The following ZMAT1 variants were observed in gnomAD, a reference collection of about 807,000 sequenced individuals.
The protein encoded by ZMAT1 is zinc finger matrin-type 1.
A neutral mutation model predicts 18.5 loss-of-function variants in ZMAT1; 11 were observed. That is an observed-to-expected ratio of 0.59 (90% CI 0.37 to 0.98). The LOEUF (loss-of-function observed/expected upper bound fraction) is 0.98. Ranked by LOEUF, ZMAT1 falls within the 50% of genes least tolerant of loss-of-function variation. ZMAT1 has a pLI of 0.01. For synonymous variants in ZMAT1, 211 were observed against 176.4 expected, an observed-to-expected ratio of 1.20 and a Z score of -1.55; for missense variants, 525 against 496.2, an observed-to-expected ratio of 1.06 and a Z score of -0.55.
intron 2 of ZMAT1, among the ~76,000 whole-genome samples, chrX:101,899,846 T>C (rs1928099345): frequency 8.9e-6 from 1 of 112,114 alleles, no homozygotes; most frequent in Non-Finnish European, 1.9e-5. Flanking sequence ...GATGAAATGA[T>C]AGTTCTACTC....
chrX:101,903,604 G>C (rs1043827755), intron 2 of ZMAT1, among the ~76,000 whole-genome samples: 2 of 111,368 alleles, frequency 1.8e-5, no homozygotes, highest in Non-Finnish European at 3.8e-5. Flanking sequence ...GAAACATGAA[G>C]CAACACCAAA....
At chrX:101,896,219 T>G (rs901227801) in intron 4 of ZMAT1, among the ~76,000 whole-genome samples, 16 of 112,268 alleles carry the variant, frequency 1.4e-4, no homozygotes, top group African/African-American at 4.2e-4. Context: ...TGATATTAAC[T>G]TCTAAGTCTT....
At chrX:101,923,576 T>G (rs949017444) in intron 1 of ZMAT1, among the ~76,000 whole-genome samples, 6 of 111,715 alleles carry the variant, frequency 5.4e-5, no homozygotes, top group Non-Finnish European at 1.1e-4. Flanking sequence ...ATATTTCTTC[T>G]CTTAATCTTC....
intron 1 of ZMAT1, chrX:101,911,558 C>T (rs190547760): frequency 1.0e-4 from 113 of 1,132,813 alleles, no homozygotes; most frequent in Non-Finnish European, 1.3e-4. Context: ...CGAATCCACA[C>T]AGGGGAGAAG....
intron 1 of ZMAT1, among the ~76,000 whole-genome samples, chrX:101,921,709 G>A (rs1018576829): frequency 1.8e-5 from 2 of 111,656 alleles, no homozygotes; most frequent in Admixed American, 9.5e-5. Context: ...GAATATATAC[G>A]GAAGCAAAAT....
chrX:101,913,805 G>GA (rs746482394), intron 1 of ZMAT1, among the ~76,000 whole-genome samples: 1 of 111,795 alleles, frequency 8.9e-6, no homozygotes, highest in Non-Finnish European at 1.9e-5. Flanking sequence ...AGTCAACAAA[G>GA]AAACAGCAGA....
intron 1 of ZMAT1, among the ~76,000 whole-genome samples, chrX:101,923,476 C>G (rs1438114619): frequency 9.0e-6 from 1 of 111,494 alleles, no homozygotes; most frequent in South Asian, 3.7e-4. Flanking sequence ...TAGCTGCTTC[C>G]AAATACGAAG....
intron 4 of ZMAT1, chrX:101,894,712 A>G (rs1927675930): frequency 1.3e-6 from 1 of 744,441 alleles, no homozygotes; most frequent in African/African-American, 2.3e-5. Flanking sequence ...AGAAATAGAG[A>G]AGAACCAGAG....
intron 4 of ZMAT1, chrX:101,888,510 T>C (rs1413861431): frequency 9.0e-6 from 1 of 111,531 alleles, no homozygotes; most frequent in Non-Finnish European, 1.9e-5. Flanking sequence ...TACAACTCCA[T>C]GTCAGACCAA....
intron 4 of ZMAT1, chrX:101,888,907 ATATT>A (rs1927168657): frequency 9.0e-6 from 1 of 111,691 alleles, no homozygotes; most frequent in Non-Finnish European, 1.9e-5. Context: ...GAGTTTTTAC[ATATT>A]TATTTAGTGC....
chrX:101,902,114 T>C (rs915132611), intron 2 of ZMAT1, among the ~76,000 whole-genome samples: 5 of 111,689 alleles, frequency 4.5e-5, no homozygotes, highest in African/African-American at 1.6e-4. Context: ...GCAATGAGAG[T>C]GTTTCCCTAT....
At chrX:101,925,352 T>C (rs1929993238) in intron 1 of ZMAT1, among the ~76,000 whole-genome samples, 1 of 112,445 alleles carries the variant, frequency 8.9e-6, no homozygotes, top group Middle Eastern at 4.6e-3. Context: ...ATAAGAGTGT[T>C]TTACCTCTTC....
chrX:101,890,705 A>G (rs192646684), intron 4 of ZMAT1, among the ~76,000 whole-genome samples: 167 of 111,151 alleles, frequency 1.5e-3, no homozygotes, highest in African/African-American at 5.0e-3. Context: ...AGCACAAAGA[A>G]GCAGGGGCAC....
chrX:101,893,224 A>G lies in ZMAT1; in HGVS notation c.676+4644T>C, dbSNP rs771677441. On this transcript the variant is annotated intron_variant, in intron 4 of 5. Coordinates refer to ENST00000651725, the MANE Select transcript of ZMAT1 (RefSeq NM_001394560.1). ...TTCAGGGTGCCAAAATGGCCCCCCA[A>G]TTTAGAAGTGACAGGAGTGCACACA... Among the ~76,000 whole-genome samples the G allele has an allele frequency of 4.5e-5, 5 of 111,570 alleles. No individual in the cohort carries two copies. The East Asian group carries it at 1.4e-3, about 31-fold the overall frequency.
At chrX:101,922,729 T>C (rs1184634448) in intron 1 of ZMAT1, among the ~76,000 whole-genome samples, 2 of 111,248 alleles carry the variant, frequency 1.8e-5, no homozygotes, top group Non-Finnish European at 3.8e-5. Flanking sequence ...AAGAAACATA[T>C]GTCTGATTCA....
At chrX:101,922,582 G>A (rs892691775) in intron 1 of ZMAT1, among the ~76,000 whole-genome samples, 1 of 110,396 alleles carries the variant, frequency 9.1e-6, no homozygotes, top group African/African-American at 3.3e-5. Flanking sequence ...TAGTAGAGAC[G>A]GGATTTCATT....
chrX:101,892,248 A>G (rs1163587113), intron 4 of ZMAT1, among the ~76,000 whole-genome samples: 1 of 111,523 alleles, frequency 9.0e-6, no homozygotes, highest in Admixed American at 9.5e-5. Flanking sequence ...AGCATCACTC[A>G]GTAGGCTTTA....
At chrX:101,906,025 G>A (rs1211936029) in intron 1 of ZMAT1, among the ~76,000 whole-genome samples, 3 of 111,273 alleles carry the variant, frequency 2.7e-5, no homozygotes, top group African/African-American at 9.8e-5. Flanking sequence ...CCAGCATAGA[G>A]TGGAGAGAGA....
rs757094572 is a variant in ZMAT1 at position 101,898,120 on chromosome X, T to A, written c.500A>T (p.Gln167Leu). ...ACAATACCAACACACATCACTCACC[T>A]GAAAATTCTCAACATGCATCTTCAT... ...KKMKMHVENF[Q>L]VHRYEGVDKN... Residue 167 changes from glutamine to leucine, a missense_variant and splice_region_variant, in exon 3 of 6, where the codon CAG (glutamine) becomes CTG (leucine). By Grantham distance (113) the Gln-to-Leu change is moderately radical. Coordinates refer to ENST00000651725, the MANE Select transcript of ZMAT1 (RefSeq NM_001394560.1). 8.3e-7 allele frequency: 1 copy of A among 1,208,805 alleles called. No homozygotes were observed. Among genetic ancestry groups the A allele is most frequent in the African/African-American group, 1.7e-5 (1 of 57,216 alleles).
Sources: gnomAD v4.1 joint callset for allele counts (sites outside exome capture counted in the v4.1 genomes callset) on GRCh38, gnomAD v4.1.1 for gene constraint, MANE v1.5 for transcripts, NCBI Gene and HGNC (gene_info 2026-07-23, HGNC 2026-07-21) for gene names.